The following CYP11A1 variants were observed in gnomAD, a reference collection of about 807,000 sequenced individuals.
The protein encoded by CYP11A1 is cytochrome P450 family 11 subfamily A member 1.
A neutral mutation model predicts 51.9 loss-of-function variants in CYP11A1; 25 were observed. The observed-to-expected ratio is 0.48, with a 90% CI of 0.35 to 0.67. The LOEUF is 0.67. CYP11A1 is among the 30% of genes least tolerant of loss of function. CYP11A1 has a pLI of 0.00. For synonymous variants in CYP11A1, 245 were observed against 262.1 expected (o/e 0.93, Z 0.63); for missense variants, 578 against 680.9 (o/e 0.85, Z 1.68).
intron 1 of CYP11A1, among the ~76,000 whole-genome samples, chr15:74,349,798 G>A (rs1486273916): frequency 2.0e-5 from 3 of 152,038 alleles, no homozygotes; most frequent in Non-Finnish European, 4.4e-5. Flanking sequence ...TTATATTAGA[G>A]GCCAGGCACA....
At chr15:74,367,210 A>T in intron 1 of CYP11A1, 107 bp downstream of exon 1, 2 of 1,092,212 alleles carry the variant, frequency 1.8e-6, no homozygotes, top group Non-Finnish European at 2.7e-6. Flanking sequence ...GTTAGACAGG[A>T]GTTTGGAACC....
At chr15:74,340,545 C>T (rs2060601683) in intron 5 of CYP11A1, among the ~76,000 whole-genome samples, 1 of 152,196 alleles carries the variant, frequency 6.6e-6, no homozygotes, top group Non-Finnish European at 1.5e-5. Context: ...CACCTCCCTC[C>T]TCCTGGCAGG....
At chr15:74,348,206 T>A in intron 1 of CYP11A1, 151 bp from the exon 2 acceptor site, 2 of 777,766 alleles carry the variant, frequency 2.6e-6, no homozygotes, top group Non-Finnish European at 4.1e-6. Context: ...TCCTCTTCTG[T>A]AAAATGGAGA....
Position 74,339,730 on chromosome 15 carries a change from G to A in CYP11A1, c.1014C>T (p.His338=). The change falls in exon 6 of 9, where the codon CAC becomes CAT. Residue 338 remains histidine (H), a synonymous_variant. Transcript: ENST00000268053. ...VDTTSMTLQW[H]LYEMARNLKV... is the part of the protein sequence containing the mutation. ...TCAGGTTGCGTGCCATCTCATACAAGTGCCACTGCAGGGTCATGGACGTCT... is the reference window on the plus strand; with the variant it reads ...TCAGGTTGCGTGCCATCTCATACAAATGCCACTGCAGGGTCATGGACGTCT... The A allele has an allele frequency of 6.2e-7, 1 of 1,614,100 alleles. No individual in the cohort carries two copies. Among genetic ancestry groups the A allele is most frequent in the South Asian group, 1.1e-5 (1 of 91,086 alleles).
At chr15:74,342,918 T>C in intron 5 of CYP11A1, 59 bp downstream of exon 5, 1 of 1,576,076 alleles carries the variant, frequency 6.3e-7, no homozygotes, top group South Asian at 1.1e-5. Context: ...AGGGGCCTGG[T>C]GGGGAAGGGG....
chr15:74,364,478 G>T (rs528500979), intron 1 of CYP11A1: 2 of 152,284 alleles, frequency 1.3e-5, no homozygotes, highest in African/African-American at 2.4e-5. Flanking sequence ...TTTACATAAG[G>T]TGTATCTGAA....
chr15:74,340,132 T>C (rs1409432827), intron 5 of CYP11A1, among the ~76,000 whole-genome samples: 1 of 152,238 alleles, frequency 6.6e-6, no homozygotes, highest in East Asian at 1.9e-4. Flanking sequence ...CCAGAATGAC[T>C]GCCATTCCTT....
intron 1 of CYP11A1, 41 bp from the exon 2 acceptor site, chr15:74,348,096 G>A (rs1221741123): frequency 1.9e-6 from 3 of 1,607,192 alleles, no homozygotes; most frequent in Non-Finnish European, 2.5e-6. Flanking sequence ...AGGATCCGAG[G>A]AGAGCTATGG....
chr15:74,367,570 G>T lies in CYP11A1; in HGVS notation c.16C>A (p.Leu6Ile). The change falls in exon 1 of 9, where the codon CTT becomes ATT. Residue 6 changes from leucine (L) to isoleucine (I), a missense_variant. Leu to Ile is a conservative substitution (Grantham distance 5). Coordinates refer to ENST00000268053, the MANE Select transcript of CYP11A1 (RefSeq NM_000781.3). ...TTGACCAGGACTGAGCGTGGGGGAA[G>T]ACCCTTGGCCAGCATGCTGTCCCCA... MLAKG[L>I]PPRSVLVKGC... The T allele has an allele frequency of 6.2e-7, 1 of 1,613,940 alleles. No individual in the cohort carries two copies. Among genetic ancestry groups the T allele is most frequent in the African/African-American group, 1.3e-5 (1 of 75,060 alleles).
In CYP11A1 at chr15:74,362,156, C is replaced by A. The variant is rs576089333; in HGVS notation, c.269+5161G>T. Reference sequence around the variant, plus strand: ...TCCTAGAATCTTTGTGCTCTCGCTGCAGTTCCCTTCCATGCCTAGCTGGAC... The same window carrying A: ...TCCTAGAATCTTTGTGCTCTCGCTGAAGTTCCCTTCCATGCCTAGCTGGAC... On this transcript the variant is annotated intron_variant, in intron 1 of 8. Transcript: ENST00000268053. 266 of 665,858 alleles carry A rather than the reference C, an allele frequency of 4.0e-4. No homozygotes were observed. The African/African-American group carries it at 4.5e-3, about 11-fold the overall frequency. The allele number at this position is 665,858 out of a possible 1,614,324, so 41.2% of individuals were successfully genotyped here.
At chr15:74,357,586 T>G (rs1306423040) in intron 1 of CYP11A1, among the ~76,000 whole-genome samples, 1 of 152,214 alleles carries the variant, frequency 6.6e-6, no homozygotes, top group Non-Finnish European at 1.5e-5. Flanking sequence ...CCACTCCTCT[T>G]TCTGTTCCTT....
chr15:74,355,584 G>A (rs1313724232), intron 1 of CYP11A1, among the ~76,000 whole-genome samples: 1 of 151,992 alleles, frequency 6.6e-6, no homozygotes, highest in African/African-American at 2.4e-5. Flanking sequence ...CCCCAGCCAG[G>A]CTGAATCAGG....
rs533340781 is a variant in CYP11A1, at chr15:74,362,362, A to G, written c.269+4955T>C. The G allele has an allele frequency of 3.5e-5, 7 of 199,264 alleles. No individual in the cohort carries two copies. The South Asian group carries it at 6.0e-4, about 17-fold the overall frequency. 12.3% of individuals were successfully genotyped at this position (199,264 alleles called of 1,614,324 possible). A position where few individuals can be genotyped will look rare whatever the true frequency, so the allele number is the denominator to read the frequency against. On this transcript the variant is annotated intron_variant, in intron 1 of 8. Transcript: ENST00000268053. ...GGATTTCATTCCATTGTTATTTTCC[A>G]TGCATGTTTTCTGGTTGTAGAAAAG... is the stretch of plus-strand genomic sequence containing the variant.
chr15:74,339,117 G>T, intron 7 of CYP11A1, 120 bp downstream of exon 7: 1 of 851,370 alleles, frequency 1.2e-6, no homozygotes, highest in Non-Finnish European at 2.0e-6. Flanking sequence ...CCTTCATTCA[G>T]ACTTAGACTG....
intron 1 of CYP11A1, chr15:74,365,724 G>T (rs1277634733): frequency 1.0e-6 from 1 of 985,420 alleles, no homozygotes; most frequent in African/African-American, 1.7e-5. Context: ...ACCTTAGCGC[G>T]CCACTGTCGG....
intron 1 of CYP11A1, 77 bp from the exon 2 acceptor site, chr15:74,348,132 C>G: frequency 1.3e-6 from 2 of 1,538,738 alleles, no homozygotes; most frequent in East Asian, 4.7e-5. Flanking sequence ...AGCTGCCTCA[C>G]AGTTCCACAA....
chr15:74,346,960 C>T (rs554791701), intron 2 of CYP11A1, among the ~76,000 whole-genome samples: 5 of 152,162 alleles, frequency 3.3e-5, no homozygotes, highest in South Asian at 2.1e-4. Flanking sequence ...GCCACCACAT[C>T]GGCTAATTTT....
In CYP11A1 at chr15:74,337,877, G is replaced by A. The variant is rs1465802575; in HGVS notation, c.*95C>T. 6 of 1,548,562 alleles carry A rather than the reference G, an allele frequency of 3.9e-6. No individual in the cohort carries two copies. The highest frequency in any genetic ancestry group is 2.3e-5 in the East Asian group (1 of 44,048). On this transcript the variant is annotated 3_prime_UTR_variant, in exon 9 of 9. Coordinates refer to ENST00000268053, the MANE Select transcript of CYP11A1 (RefSeq NM_000781.3). ...CCTGCTGAGCAGGCTGGGCAGAAAG[G>A]AGCAGGACTTGGGACAGACGACTGA... is the stretch of plus-strand genomic sequence containing the variant.
At chr15:74,338,857 A>C (rs1596157429) in intron 7 of CYP11A1, 89 bp from the exon 8 acceptor site, 12 of 1,184,484 alleles carry the variant, frequency 1.0e-5, no homozygotes, top group African/African-American at 1.5e-5. Flanking sequence ...CTGCCCTCTC[A>C]CCACCACTCC....
Sources: gnomAD v4.1 joint callset for allele counts (sites outside exome capture counted in the v4.1 genomes callset) on GRCh38, gnomAD v4.1.1 for gene constraint, MANE v1.5 for transcripts, NCBI Gene and HGNC (gene_info 2026-07-23, HGNC 2026-07-21) for gene names.